DAB2IP: variants seen among roughly 807,000 people sequenced by gnomAD.
The protein encoded by DAB2IP is DAB2 interacting protein, also known as disabled homolog 2-interacting protein.
Under a neutral mutation model 107.2 loss-of-function variants are expected in DAB2IP, and 28 were observed. The ratio of observed to expected loss-of-function variants is 0.26; its 90% CI spans 0.19 to 0.36. The LOEUF (loss-of-function observed/expected upper bound fraction) is 0.36, where lower values mean the gene tolerates loss of function less well. Among genes scored for constraint, DAB2IP ranks in the 10% least tolerant of loss-of-function variants. The probability of loss-of-function intolerance (pLI) is 1.00; values close to 1 mark genes in which losing one functional copy is unlikely to be tolerated. For synonymous variants in DAB2IP, 755 were observed against 706.4 expected, an observed-to-expected ratio of 1.07 and a Z score of -1.09; for missense variants, 1,400 against 1,644.7, an observed-to-expected ratio of 0.85 and a Z score of 2.57.
In DAB2IP at chr9:121,599,938, C is replaced by G. The variant is rs535739939; in HGVS notation, c.40+32710C>G. On this transcript the variant is annotated intron_variant, in intron 1 of 16. Transcript: ENST00000259371. The surrounding 1 kb of genome is among the most constrained non-coding windows in gnomAD (Gnocchi z 6.9). ...TTTACCCCGCTTTTCCCCTACAGTC[C>G]CCTCTCCCGCAAGGAAATCTGCGCG... 2.8e-4 allele frequency among the ~76,000 whole-genome samples: 43 copies of G among 152,274 alleles called. No individual in the cohort carries two copies. Among genetic ancestry groups the G allele is most frequent in the African/African-American group, 9.6e-4 (40 of 41,574 alleles).
intron 10 of DAB2IP, 120 bp from the exon 11 acceptor site, chr9:121,770,426 G>A (rs1834629626): frequency 9.8e-6 from 11 of 1,126,084 alleles, no homozygotes; most frequent in Non-Finnish European, 1.4e-5. Flanking sequence ...ACTGGCAGCA[G>A]GTGGGGATCT....
chr9:121,679,413 T>TACACACACACACACACACACAC lies in DAB2IP; in HGVS notation c.228+651_228+672dup, dbSNP rs3138857. Among the ~76,000 whole-genome samples, 329 of 135,612 alleles carry TACACACACACACACACACACAC rather than the reference T, an allele frequency of 2.4e-3. 2 individuals are homozygous for TACACACACACACACACACACAC. The highest frequency in any genetic ancestry group is 9.0e-3 in the African/African-American group (302 of 33,684). 89.0% of individuals were successfully genotyped at this position (135,612 alleles called of 152,430 possible). ...TCATACCCTTCTGCATTTGTGCATG[T>TACACACACACACACACACACAC]ACACACACACACACACACACACACA... On this transcript the variant is annotated intron_variant, in intron 2 of 15. Transcript: ENST00000408936.
chr9:121,746,859 C>G (rs545841691), intron 3 of DAB2IP, among the ~76,000 whole-genome samples: 4 of 152,288 alleles, frequency 2.6e-5, no homozygotes, highest in Admixed American at 1.3e-4. Context: ...TATTTATGGT[C>G]CCGGGTGGGG....
intron 1 of DAB2IP, among the ~76,000 whole-genome samples, chr9:121,586,845 C>T (rs1011920306): frequency 3.9e-5 from 6 of 152,152 alleles, no homozygotes; most frequent in African/African-American, 1.2e-4. Context: ...TTAAGCATCC[C>T]TTTTCAGATC....
rs1831970945 is a variant in DAB2IP, at chr9:121,736,932, T to C, written c.363-20081T>C. On this transcript the variant is annotated intron_variant, in intron 3 of 15. Coordinates refer to ENST00000408936, the Ensembl canonical transcript of DAB2IP. The surrounding 1 kb of genome is among the most constrained non-coding windows in gnomAD (Gnocchi z 4.6). ...CTTCAGGGTAGTTCTGTGGAGAAAA[T>C]GAAGCAGGGTGATAACTTGGGAGGT... 6.6e-6 allele frequency among the ~76,000 whole-genome samples: 1 copy of C among 151,892 alleles called. No homozygotes were observed. The highest frequency in any genetic ancestry group is 2.1e-4 in the South Asian group (1 of 4,812).
At chr9:121,665,070 G>A (rs1833363185) in intron 1 of DAB2IP, among the ~76,000 whole-genome samples, 1 of 152,204 alleles carries the variant, frequency 6.6e-6, no homozygotes, top group Admixed American at 6.5e-5. Flanking sequence ...GTCAAATACA[G>A]AAAGGTAAAG....
upstream of DAB2IP, among the ~76,000 whole-genome samples, chr9:121,648,282 A>G (rs1345918866): frequency 6.6e-6 from 1 of 152,170 alleles, no homozygotes; most frequent in African/African-American, 2.4e-5. Context: ...AAAATAAAAA[A>G]CTGAGGGGAT....
chr9:121,668,907 C>A (rs1003000911), intron 1 of DAB2IP, among the ~76,000 whole-genome samples: 1 of 72,182 alleles, frequency 1.4e-5, no homozygotes, highest in African/African-American at 6.0e-5. Context: ...GTAAGCCTTA[C>A]TTTTTTTTTT....
At chr9:121,590,572 A>G (rs1266143581) in intron 1 of DAB2IP, among the ~76,000 whole-genome samples, 1 of 152,218 alleles carries the variant, frequency 6.6e-6, no homozygotes, top group Non-Finnish European at 1.5e-5. Flanking sequence ...TCAAAAGGGA[A>G]TAGATACTAG....
At chr9:121,658,039 A>G (rs534054211) in intron 1 of DAB2IP, among the ~76,000 whole-genome samples, 12 of 152,206 alleles carry the variant, frequency 7.9e-5, no homozygotes, top group Admixed American at 7.9e-4. Context: ...TGCTTTCCCT[A>G]AGATGAGCCC....
At chr9:121,764,495 C>T (rs989513632) in intron 8 of DAB2IP, among the ~76,000 whole-genome samples, 3 of 152,246 alleles carry the variant, frequency 2.0e-5, no homozygotes, top group Admixed American at 6.5e-5. Flanking sequence ...TTCACGGCCA[C>T]CAGCTTGCTC....
In DAB2IP at chr9:121,760,757, T is replaced by C. The variant is rs56379024; in HGVS notation, c.1170+318T>C. Among the ~76,000 whole-genome samples the C allele has an allele frequency of 0.34, 51,196 of 151,952 alleles. 9,513 individuals carry two copies. The highest frequency in any genetic ancestry group is 0.51 in the African/African-American group (20,980 of 41,410). The stretch of plus-strand genomic sequence containing the variant: ...CCCCTGAGGCGCCAGGGGAACAGGC[T>C]GGGTGGCCACGGCTCTCCCAGCACA... On this transcript the variant is annotated intron_variant, in intron 6 of 15. Transcript: ENST00000408936. The surrounding 1 kb of genome is among the most constrained non-coding windows in gnomAD (Gnocchi z 5.9).
intron 1 of DAB2IP, among the ~76,000 whole-genome samples, chr9:121,626,728 G>C (rs1234272379): frequency 6.6e-6 from 1 of 152,104 alleles, no homozygotes; most frequent in Non-Finnish European, 1.5e-5. Context: ...CCAGCCAGAA[G>C]AGAAACCTTG....
At chr9:121,584,520 C>G in intron 1 of DAB2IP, among the ~76,000 whole-genome samples, 1 of 152,154 alleles carries the variant, frequency 6.6e-6, no homozygotes, top group East Asian at 1.9e-4. Context: ...TAGGGACAAA[C>G]AGGTTTCATC....
At chr9:121,753,036 T>G (rs1186452007) in intron 3 of DAB2IP, 1 of 152,186 alleles carries the variant, frequency 6.6e-6, no homozygotes, top group African/African-American at 2.4e-5. Context: ...ATCTGCCTCT[T>G]GGGCTCGTGG....
At chr9:121,754,519 G>A (rs974520487) in intron 3 of DAB2IP, among the ~76,000 whole-genome samples, 4 of 152,290 alleles carry the variant, frequency 2.6e-5, no homozygotes, top group South Asian at 2.1e-4. Context: ...ATCCCACCCC[G>A]TGGAGAAGCT....
chr9:121,718,964 A>C (rs569029340), intron 3 of DAB2IP, among the ~76,000 whole-genome samples: 4 of 152,108 alleles, frequency 2.6e-5, no homozygotes, highest in African/African-American at 9.6e-5. Flanking sequence ...TCTGTGCTTC[A>C]CTTTTGGGTC....
chr9:121,602,727 C>T (rs904991781), intron 1 of DAB2IP, among the ~76,000 whole-genome samples: 3 of 152,120 alleles, frequency 2.0e-5, no homozygotes, highest in South Asian at 4.1e-4. Flanking sequence ...AGGCGCCCGC[C>T]ACCACGCCCG....
intron 1 of DAB2IP, among the ~76,000 whole-genome samples, chr9:121,613,661 C>CATGAGATATTTG (rs1192982008): frequency 6.6e-6 from 1 of 152,160 alleles, no homozygotes; most frequent in Non-Finnish European, 1.5e-5. Context: ...TGTTTGGCCA[C>CATGAGATATTTG]ATGTGGTTTT....
Sources: gnomAD v4.1 joint callset for allele counts (sites outside exome capture counted in the v4.1 genomes callset) on GRCh38, gnomAD v4.1.1 for gene constraint, Gnocchi (gnomAD v3.1) non-coding constraint, MANE v1.5 for transcripts, NCBI Gene and HGNC (gene_info 2026-07-23, HGNC 2026-07-21) for gene names.